The following GPR141 variants were observed in gnomAD, a reference collection of about 807,000 sequenced individuals.
GPR141 encodes the protein probable G protein-coupled receptor 141.
A neutral mutation model predicts 6.8 loss-of-function variants in GPR141; 6 were observed. That is an observed-to-expected ratio of 0.88 (90% CI 0.48 to 1.74). The LOEUF is 1.74. GPR141 is among the 40% of genes most tolerant of loss of function. GPR141 has a pLI of 0.01. For synonymous variants in GPR141, 140 were observed against 142.3 expected, an observed-to-expected ratio of 0.98 and a Z score of 0.11; for missense variants, 372 against 372.9, an observed-to-expected ratio of 1.00 and a Z score of 0.02.
At chr7:37,703,580 C>T (rs1197578442) in intron 2 of GPR141, among the ~76,000 whole-genome samples, 1 of 152,118 alleles carries the variant, frequency 6.6e-6, no homozygotes, top group African/African-American at 2.4e-5. Flanking sequence ...AGAATTGAAT[C>T]CAAACTCTGG....
At position 37,740,888 on chromosome 7, in the gene GPR141, C is replaced by G. The variant is rs750408189; in HGVS notation, c.495C>G (p.His165Gln). Residue 165 changes from histidine (H) to glutamine (Q), a missense_variant, in exon 3 of 3, where the codon CAC becomes CAG. Physicochemically the swap from His to Gln is conservative, Grantham distance 24. Coordinates refer to ENST00000334425, the MANE Select transcript of GPR141 (RefSeq NM_001381946.1). ...YGIHEEYNEEHCFKFHKELAY... is the reference protein window; with the variant it reads ...YGIHEEYNEEQCFKFHKELAY... ...TCCATGAGGAATACAATGAGGAGCA[C>G]TGTTTTAAATTTCACAAAGAGCTTG... 1 of 1,614,044 alleles carries G rather than the reference C, an allele frequency of 6.2e-7. No homozygotes were observed. The highest frequency in any genetic ancestry group is 1.3e-5 in the African/African-American group (1 of 75,030).
intron 2 of GPR141, among the ~76,000 whole-genome samples, chr7:37,701,060 T>A (rs1001069223): frequency 6.6e-6 from 1 of 152,212 alleles, no homozygotes; most frequent in African/African-American, 2.4e-5. Flanking sequence ...CATGGAACTA[T>A]GTCATTGTGG....
intron 2 of GPR141, among the ~76,000 whole-genome samples, chr7:37,734,498 A>G (rs1187303842): frequency 6.6e-6 from 1 of 152,242 alleles, no homozygotes; most frequent in Non-Finnish European, 1.5e-5. Context: ...TAATAAAAAC[A>G]TGCACAGTCC....
At chr7:37,716,377 A>G (rs1015843479) in intron 2 of GPR141, among the ~76,000 whole-genome samples, 1 of 152,180 alleles carries the variant, frequency 6.6e-6, no homozygotes, top group East Asian at 1.9e-4. Context: ...ATAATGGAAA[A>G]TTTTCAAAGG....
At chr7:37,703,363 AC>A (rs938401108) in intron 2 of GPR141, among the ~76,000 whole-genome samples, 3 of 151,848 alleles carry the variant, frequency 2.0e-5, no homozygotes, top group African/African-American at 7.2e-5. Context: ...CTTTTTATTC[AC>A]CCTGCTTAAG....
At chr7:37,718,511 CGAAGGAAGGAAG>C (rs1562780509) in intron 2 of GPR141, among the ~76,000 whole-genome samples, 1 of 87,262 alleles carries the variant, frequency 1.1e-5, no homozygotes, top group Admixed American at 1.3e-4. Context: ...GACTCTGTCT[CGAAGGAAGGAAG>C]AAAGGAAGGA....
At chr7:37,722,991 TTTC>T (rs1305356720) in intron 2 of GPR141, among the ~76,000 whole-genome samples, 1,773 of 142,070 alleles carry the variant, frequency 0.012, 12 homozygotes, top group East Asian at 0.017. Flanking sequence ...TCTTTCTTTC[TTTC>T]TTTTTTTTTT....
chr7:37,684,616 A>G (rs1809418740), intron 1 of GPR141, among the ~76,000 whole-genome samples: 1 of 152,260 alleles, frequency 6.6e-6, no homozygotes, highest in African/African-American at 2.4e-5. Context: ...GGAATGAAAT[A>G]TAATGCAAAG....
chr7:37,699,986 T>C (rs1287464780), intron 2 of GPR141, among the ~76,000 whole-genome samples: 1 of 152,222 alleles, frequency 6.6e-6, no homozygotes, highest in Non-Finnish European at 1.5e-5. Flanking sequence ...TCAGGCACCA[T>C]ACTTGGCCCT....
At chr7:37,702,340 C>T (rs1484593866) in intron 2 of GPR141, among the ~76,000 whole-genome samples, 3 of 151,480 alleles carry the variant, frequency 2.0e-5, no homozygotes, top group Non-Finnish European at 4.4e-5. Flanking sequence ...TCCTTTTCTC[C>T]CTTCCTCCCT....
chr7:37,726,060 T>G (rs970226271), intron 2 of GPR141, among the ~76,000 whole-genome samples: 1 of 152,222 alleles, frequency 6.6e-6, no homozygotes, highest in Non-Finnish European at 1.5e-5. Flanking sequence ...TTTCTCTCTT[T>G]TATTTCCCTC....
chr7:37,683,982 A>T (rs916164671), intron 1 of GPR141, 79 bp downstream of exon 1: 3 of 150,550 alleles, frequency 2.0e-5, no homozygotes, highest in African/African-American at 7.5e-5. Flanking sequence ...TTGTTGGCAT[A>T]GTCCTAATTC....
intron 2 of GPR141, among the ~76,000 whole-genome samples, chr7:37,686,162 C>CT (rs35733762): frequency 0.37 from 46,144 of 123,756 alleles, 9,083 homozygotes; most frequent in Admixed American, 0.44. Context: ...CCCTGCCTGC[C>CT]TTTTTTTTTT....
rs552940405 is a variant in GPR141, at chr7:37,743,245, A to G, written c.*1934A>G. Among the ~76,000 whole-genome samples, 3 of 152,222 alleles carry G rather than the reference A, an allele frequency of 2.0e-5. No individual in the cohort carries two copies. The highest frequency in any genetic ancestry group is 7.2e-5 in the African/African-American group (3 of 41,534). The stretch of plus-strand genomic sequence containing the variant: ...AATTTATTATCACTGTGGATCCACA[A>G]ATTCCTCAGATGAATAAGAAATACC... On this transcript the variant is annotated 3_prime_UTR_variant, in exon 3 of 3. Transcript: ENST00000334425.
chr7:37,733,604 G>A lies in GPR141; in HGVS notation c.-14-6776G>A, dbSNP rs573787662. 2.7e-4 allele frequency among the ~76,000 whole-genome samples: 40 copies of A among 150,906 alleles called. No homozygotes were observed. In the South Asian group the frequency reaches 4.6e-3, roughly 17 times the overall value. The stretch of plus-strand genomic sequence containing the variant: ...GGAGAATCACTTGAAGCCGGGAGGC[G>A]GAGGTTGCGGTGAGCCGAGATCCCA... On this transcript the variant is annotated intron_variant, in intron 2 of 2. Transcript: ENST00000334425.
In GPR141 at chr7:37,741,194, A is replaced by T; in HGVS notation, c.801A>T (p.Glu267Asp). The T allele has an allele frequency of 6.2e-7, 1 of 1,613,784 alleles. No individual in the cohort carries two copies. Among genetic ancestry groups the T allele is most frequent in the Non-Finnish European group, 8.5e-7 (1 of 1,179,744 alleles). Reference protein sequence around the residue: ...ACNSKVAFYNEIFLSVTAISC... With the variant: ...ACNSKVAFYNDIFLSVTAISC... ...ACAGCAAGGTTGCATTTTATAACGA[A>T]ATCTTCTTGAGTGTAACAGCAATTA... Residue 267 changes from glutamate (E) to aspartate (D), a missense_variant, in exon 3 of 3, where the codon GAA becomes GAT. Transcript: ENST00000334425.
intron 2 of GPR141, among the ~76,000 whole-genome samples, chr7:37,716,005 A>G (rs1188173355): frequency 6.6e-6 from 1 of 152,192 alleles, no homozygotes; most frequent in East Asian, 1.9e-4. Flanking sequence ...CATTTAACAT[A>G]GCCCAAGTCA....
At chr7:37,698,002 G>A (rs1043327001) in intron 2 of GPR141, among the ~76,000 whole-genome samples, 9 of 152,186 alleles carry the variant, frequency 5.9e-5, no homozygotes, top group East Asian at 1.9e-4. Context: ...CCTGGCCCCC[G>A]TGCCTGGCAG....
chr7:37,731,423 T>G (rs1358043383), intron 2 of GPR141, among the ~76,000 whole-genome samples: 1 of 152,200 alleles, frequency 6.6e-6, no homozygotes, highest in Non-Finnish European at 1.5e-5. Context: ...TTAGGTCAAC[T>G]AATTAAAAAT....
Sources: gnomAD v4.1 joint callset for allele counts (sites outside exome capture counted in the v4.1 genomes callset) on GRCh38, gnomAD v4.1.1 for gene constraint, MANE v1.5 for transcripts, NCBI Gene and HGNC (gene_info 2026-07-23, HGNC 2026-07-21) for gene names.